Variants in TENM3 observed in about 807,000 individuals in gnomAD.
The protein encoded by TENM3 is teneurin-3.
TENM3 carries 63 observed loss-of-function variants against 255.1 expected under a neutral mutation model. That is an observed-to-expected ratio of 0.25 (90% confidence interval 0.20 to 0.30). The LOEUF is 0.30. Among genes scored for constraint, TENM3 ranks in the 10% least tolerant of loss-of-function variants. The pLI, the probability that TENM3 is intolerant of heterozygous loss-of-function variation, is 1.00. For missense variants in TENM3, 2,929 were observed against 3,461.1 expected (o/e 0.85, Z 3.86); for synonymous variants, 1,306 against 1,322.3 (o/e 0.99, Z 0.27).
chr4:181,589,642 G>C, the TENM3 span, among the ~76,000 whole-genome samples: 1 of 152,152 alleles, frequency 6.6e-6, no homozygotes, highest in Non-Finnish European at 1.5e-5. Flanking sequence ...CAGAAGAAAA[G>C]CATACAAATG....
the TENM3 span, among the ~76,000 whole-genome samples, chr4:181,881,655 T>C: frequency 6.6e-6 from 1 of 152,134 alleles, no homozygotes; most frequent in Non-Finnish European, 1.5e-5. Context: ...ATTAAAACTG[T>C]CACAAGTCAA....
At chr4:182,599,776 A>G (rs531469546) in intron 3 of TENM3, among the ~76,000 whole-genome samples, 1 of 152,194 alleles carries the variant, frequency 6.6e-6, no homozygotes, top group African/African-American at 2.4e-5. Context: ...TAATATGTGC[A>G]TTTATATTAA....
intron 12 of TENM3, among the ~76,000 whole-genome samples, chr4:182,713,849 G>A (rs895447501): frequency 8.5e-5 from 13 of 152,156 alleles, no homozygotes; most frequent in Admixed American, 1.3e-4. Flanking sequence ...TTAGTGGATC[G>A]TTGCATATAT....
At chr4:181,886,290 T>C in the TENM3 span, among the ~76,000 whole-genome samples, 3 of 152,136 alleles carry the variant, frequency 2.0e-5, no homozygotes, top group African/African-American at 7.2e-5. Context: ...CGACCTCAAG[T>C]GATCCGCCTA....
intron 1 of TENM3, among the ~76,000 whole-genome samples, chr4:182,249,148 A>G (rs545540223): frequency 5.9e-5 from 9 of 152,328 alleles, no homozygotes; most frequent in African/African-American, 2.2e-4. Flanking sequence ...GTGGTAGAGG[A>G]CATGCTATCA....
the TENM3 span, among the ~76,000 whole-genome samples, chr4:181,970,024 A>G: frequency 1.3e-5 from 2 of 152,234 alleles, no homozygotes; most frequent in African/African-American, 4.8e-5. Context: ...TTGCAAAGAC[A>G]GCTCCCCATT....
intron 7 of TENM3, among the ~76,000 whole-genome samples, chr4:182,675,345 C>T (rs576067651): frequency 5.9e-5 from 9 of 151,990 alleles, no homozygotes; most frequent in Admixed American, 2.0e-4. Flanking sequence ...AGTTCAAGAC[C>T]GGCCTGACCA....
the TENM3 span, among the ~76,000 whole-genome samples, chr4:182,027,090 T>A: frequency 6.6e-6 from 1 of 151,960 alleles, no homozygotes; most frequent in East Asian, 1.9e-4. Context: ...CAATCCATGG[T>A]GGAAGAATTT....
chr4:182,676,840 T>C (rs1755703128), intron 7 of TENM3, among the ~76,000 whole-genome samples: 1 of 152,222 alleles, frequency 6.6e-6, no homozygotes, highest in South Asian at 2.1e-4. Flanking sequence ...AAATGACCTT[T>C]AAACGGAGCT....
chr4:182,715,009 C>T (rs372544115), intron 13 of TENM3, among the ~76,000 whole-genome samples: 27 of 152,258 alleles, frequency 1.8e-4, no homozygotes, highest in Admixed American at 4.6e-4. Context: ...CTCAGCCTCC[C>T]GAGTAGCTGG....
the TENM3 span, among the ~76,000 whole-genome samples, chr4:181,982,431 A>G: frequency 6.6e-6 from 1 of 152,180 alleles, no homozygotes; most frequent in Non-Finnish European, 1.5e-5. Flanking sequence ...ACTTTATTTT[A>G]AAGAATTTTA....
At chr4:181,695,942 TA>T in the TENM3 span, among the ~76,000 whole-genome samples, 1 of 152,024 alleles carries the variant, frequency 6.6e-6, no homozygotes, top group Non-Finnish European at 1.5e-5. Flanking sequence ...TTTTTTAATT[TA>T]GGGGGTAAAA....
At chr4:181,548,875 C>T in the TENM3 span, among the ~76,000 whole-genome samples, 1 of 152,060 alleles carries the variant, frequency 6.6e-6, no homozygotes, top group South Asian at 2.1e-4. Flanking sequence ...TTACAGGAGG[C>T]AAATATGCAA....
At chr4:182,252,041 G>A (rs893730705) in intron 1 of TENM3, among the ~76,000 whole-genome samples, 7 of 151,988 alleles carry the variant, frequency 4.6e-5, no homozygotes, top group Non-Finnish European at 8.8e-5. Context: ...AAACTTGCTG[G>A]GTGTGGTGGT....
chr4:182,690,648 CA>C (rs1306981602), intron 12 of TENM3, among the ~76,000 whole-genome samples: 1 of 151,982 alleles, frequency 6.6e-6, no homozygotes, highest in Non-Finnish European at 1.5e-5. Flanking sequence ...GGAAGTGTGC[CA>C]AAAAGTTATC....
At chr4:182,746,935 A>G (rs1762050180) in intron 19 of TENM3, among the ~76,000 whole-genome samples, 1 of 152,222 alleles carries the variant, frequency 6.6e-6, no homozygotes, top group South Asian at 2.1e-4. Flanking sequence ...AGCAAAGTCA[A>G]CATATTTTAG....
Position 182,161,957 on chromosome 4 carries a change from G to GTATA in TENM3, c.-76+17204_-76+17205insATAT, listed in dbSNP as rs1406454695. Among the ~76,000 whole-genome samples, 9 of 44,756 alleles carry GTATA rather than the reference G, an allele frequency of 2.0e-4. No individual in the cohort carries two copies. The East Asian group carries it at 4.5e-3, about 22-fold the overall frequency. 29.4% of individuals were successfully genotyped at this position (44,756 alleles called of 152,430 possible). ...CACATATATATATTTGTGTGTGTGTGTGTATATATATATATATATATATAT... is the reference window on the plus strand; with the variant it reads ...CACATATATATATTTGTGTGTGTGTGTATATGTATATATATATATATATATATAT... On this transcript the variant is annotated intron_variant, in intron 1 of 2. Transcript: ENST00000512480.
the TENM3 span, among the ~76,000 whole-genome samples, chr4:181,508,016 T>C: frequency 6.6e-6 from 1 of 152,232 alleles, no homozygotes; most frequent in African/African-American, 2.4e-5. Flanking sequence ...TCTAATTATC[T>C]CCACAAATGA....
At chr4:181,812,923 G>A in the TENM3 span, among the ~76,000 whole-genome samples, 1 of 152,192 alleles carries the variant, frequency 6.6e-6, no homozygotes, top group African/African-American at 2.4e-5. Context: ...CCTGAGTTGG[G>A]GGGAATAGCT....
Sources: gnomAD v4.1 joint callset for allele counts (sites outside exome capture counted in the v4.1 genomes callset) on GRCh38, gnomAD v4.1.1 for gene constraint, MANE v1.5 for transcripts, NCBI Gene and HGNC (gene_info 2026-07-23, HGNC 2026-07-21) for gene names.